The following NAV2 variants were observed in gnomAD, a reference collection of about 807,000 sequenced individuals.
NAV2 encodes helicase, APC down-regulated 1.
In NAV2, 54 loss-of-function variants were observed where a neutral mutation model predicts 223.2. The ratio of observed to expected loss-of-function variants is 0.24; its 90% CI spans 0.19 to 0.30. The LOEUF (loss-of-function observed/expected upper bound fraction) is 0.30. Ranked by LOEUF, NAV2 falls within the 10% of genes least tolerant of loss-of-function variation. The pLI is 1.00. For synonymous variants in NAV2, 1,279 were observed against 1,239.3 expected (o/e 1.03, Z -0.67); for missense variants, 2,806 against 3,147.5 (o/e 0.89, Z 2.60).
At chr11:19,365,245 T>A (rs1640615998) in intron 1 of NAV2, among the ~76,000 whole-genome samples, 3 of 152,244 alleles carry the variant, frequency 2.0e-5, no homozygotes, top group Admixed American at 2.0e-4. Flanking sequence ...CTAGTCACTA[T>A]TCAAGATTCA....
intron 35 of NAV2, among the ~76,000 whole-genome samples, chr11:20,106,179 GTGTGTATATATATATATATA>G (rs2062046569): frequency 6.8e-5 from 1 of 14,688 alleles, no homozygotes; most frequent in Admixed American, 5.3e-4. Flanking sequence ...ATATATATGT[GTGTGTATATATATATATATA>G]TATATATATA....
intron 11 of NAV2, among the ~76,000 whole-genome samples, chr11:20,016,752 T>C (rs1221824520): frequency 2.0e-5 from 3 of 151,948 alleles, no homozygotes; most frequent in African/African-American, 4.8e-5. Flanking sequence ...TTCCAGCACC[T>C]TGGGAGGCCA....
At chr11:19,808,723 G>C (rs1300702292) in intron 1 of NAV2, among the ~76,000 whole-genome samples, 1 of 152,148 alleles carries the variant, frequency 6.6e-6, no homozygotes, top group African/African-American at 2.4e-5. Context: ...GCCACCTATT[G>C]CTGGTAAAAC....
At chr11:19,699,416 C>T (rs2049444204) in intron 1 of NAV2, among the ~76,000 whole-genome samples, 1 of 142,970 alleles carries the variant, frequency 7.0e-6, no homozygotes, top group East Asian at 2.1e-4. Flanking sequence ...CCTGGGTTAC[C>T]ATAGCACCTG....
At chr11:19,965,403 C>A (rs1444834680) in intron 10 of NAV2, among the ~76,000 whole-genome samples, 1 of 152,052 alleles carries the variant, frequency 6.6e-6, no homozygotes, top group Non-Finnish European at 1.5e-5. Context: ...TTTTTTCCCA[C>A]ACCCAGAACC....
At chr11:19,884,992 T>G (rs1304243965) in intron 5 of NAV2, among the ~76,000 whole-genome samples, 1 of 152,204 alleles carries the variant, frequency 6.6e-6, no homozygotes, top group Non-Finnish European at 1.5e-5. Flanking sequence ...AAGCTAGTTC[T>G]CTTAATTCAG....
chr11:19,370,064 T>C (rs187628399), intron 1 of NAV2, among the ~76,000 whole-genome samples: 2 of 152,296 alleles, frequency 1.3e-5, no homozygotes, highest in Admixed American at 1.3e-4. Context: ...TTCAATTGCC[T>C]CCAACTATTC....
intron 10 of NAV2, among the ~76,000 whole-genome samples, chr11:19,956,838 C>G (rs2153393518): frequency 6.6e-6 from 1 of 152,312 alleles, no homozygotes; most frequent in East Asian, 1.9e-4. Context: ...TGTCTCCTTA[C>G]TGTCTTGGAG....
chr11:19,966,270 C>T (rs1396059917), intron 10 of NAV2, among the ~76,000 whole-genome samples: 1 of 152,154 alleles, frequency 6.6e-6, no homozygotes, highest in Non-Finnish European at 1.5e-5. Flanking sequence ...GAATACAGTT[C>T]ACAACAATAT....
chr11:19,559,542 T>C (rs373305153), intron 1 of NAV2, among the ~76,000 whole-genome samples: 2 of 152,352 alleles, frequency 1.3e-5, no homozygotes, highest in African/African-American at 4.8e-5. Flanking sequence ...TGAACTTCAT[T>C]TGTTCAGAAT....
chr11:19,762,153 G>C (rs2054805298), intron 1 of NAV2, among the ~76,000 whole-genome samples: 1 of 152,218 alleles, frequency 6.6e-6, no homozygotes, highest in Non-Finnish European at 1.5e-5. Context: ...TGAGGCAGGA[G>C]AATCACTGGA....
chr11:19,346,519 C>G (rs1853017889), upstream of NAV2, among the ~76,000 whole-genome samples: 1 of 152,258 alleles, frequency 6.6e-6, no homozygotes, highest in African/African-American at 2.4e-5. Context: ...GCTGAGCCGG[C>G]TCCTTTCTTG....
rs368182960 is a variant in NAV2 at position 19,514,537 on chromosome 11, G to A, written c.75+163510G>A. Among the ~76,000 whole-genome samples the A allele has an allele frequency of 7.2e-5, 11 of 152,296 alleles. 1 individual carries two copies. In the South Asian group the frequency reaches 2.3e-3, roughly 32 times the overall value. On this transcript the variant is annotated intron_variant, in intron 1 of 37. Transcript: ENST00000360655. ...GAGTACACTTTCTCCGCATCTCAGA[G>A]AGACCAACTCACTAACTGTTTTTAT...
At chr11:19,422,554 A>G (rs1027482782) in intron 1 of NAV2, among the ~76,000 whole-genome samples, 4 of 151,914 alleles carry the variant, frequency 2.6e-5, no homozygotes, top group African/African-American at 9.7e-5. Context: ...TCCCAACAGG[A>G]AGCCGCCCAT....
At chr11:19,707,379 A>C (rs2152296882) in intron 1 of NAV2, among the ~76,000 whole-genome samples, 1 of 152,334 alleles carries the variant, frequency 6.6e-6, no homozygotes, top group African/African-American at 2.4e-5. Context: ...TATCTTTATA[A>C]GCTTTTTTCT....
chr11:19,571,412 AC>A (rs1467541908), intron 1 of NAV2, among the ~76,000 whole-genome samples: 1 of 152,224 alleles, frequency 6.6e-6, no homozygotes, highest in Non-Finnish European at 1.5e-5. Context: ...TGAATTGTAC[AC>A]TTTAGAAAAC....
In NAV2 at chr11:20,118,777, A is replaced by G; in HGVS notation, c.*519A>G. ...TCCCACACAGCCGGCCACAGGGAGA[A>G]CTGGTGCTAACCAGGGTGCTTGCTT... On this transcript the variant is annotated 3_prime_UTR_variant, in exon 38 of 38. Transcript: ENST00000349880. 5.9e-6 allele frequency: 1 copy of G among 170,546 alleles called. No individual in the cohort carries two copies. Among genetic ancestry groups the G allele is most frequent in the Non-Finnish European group, 1.2e-5 (1 of 80,240 alleles). 10.6% of individuals were successfully genotyped at this position (170,546 alleles called of 1,614,324 possible).
chr11:19,946,984 G>T (rs1450792609), intron 9 of NAV2, among the ~76,000 whole-genome samples: 1 of 152,188 alleles, frequency 6.6e-6, no homozygotes, highest in Non-Finnish European at 1.5e-5. Flanking sequence ...GATTTAGTTG[G>T]ATGAAATCTA....
At chr11:20,058,239 GTAT>G (rs2058485269) in intron 19 of NAV2, among the ~76,000 whole-genome samples, 1 of 152,158 alleles carries the variant, frequency 6.6e-6, no homozygotes, top group Admixed American at 6.6e-5. Flanking sequence ...TCAGTTAGGT[GTAT>G]TATACGCCAT....
Sources: gnomAD v4.1 joint callset for allele counts (sites outside exome capture counted in the v4.1 genomes callset) on GRCh38, gnomAD v4.1.1 for gene constraint, MANE v1.5 for transcripts, NCBI Gene and HGNC (gene_info 2026-07-23, HGNC 2026-07-21) for gene names.